AHCYL2: variants seen among roughly 807,000 people sequenced by gnomAD.
AHCYL2 encodes the protein adenosylhomocysteinase like 2, also known as S-adenosylhomocysteine hydrolase-like protein 2.
A neutral mutation model predicts 81.4 loss-of-function variants in AHCYL2; 28 were observed. The ratio of observed to expected loss-of-function variants is 0.34; its 90% CI spans 0.25 to 0.47. The LOEUF (loss-of-function observed/expected upper bound fraction) is 0.47, where lower values mean the gene tolerates loss of function less well. Ranked by LOEUF, AHCYL2 falls within the 20% of genes least tolerant of loss-of-function variation. The probability of loss-of-function intolerance (pLI) is 1.00; values close to 1 mark genes in which losing one functional copy is unlikely to be tolerated. For missense variants in AHCYL2, 551 were observed against 785.1 expected (o/e 0.70, Z 3.56); for synonymous variants, 272 against 290.2 (o/e 0.94, Z 0.64).
chr7:129,418,999 G>A (rs1430413213), intron 12 of AHCYL2, among the ~76,000 whole-genome samples: 2 of 152,176 alleles, frequency 1.3e-5, no homozygotes, highest in Non-Finnish European at 2.9e-5. Context: ...GAATGATTTG[G>A]TAAGTATCGA....
chr7:129,313,411 CAGTGTTCTGGCCGTG>C (rs1797727352), intron 1 of AHCYL2, among the ~76,000 whole-genome samples: 1 of 152,178 alleles, frequency 6.6e-6, no homozygotes, highest in African/African-American at 2.4e-5. Flanking sequence ...GTTGGAGGCT[CAGTGTTCTGGCCGTG>C]AGTGTGGTTC....
At chr7:129,265,398 A>G (rs1318492609) in intron 1 of AHCYL2, among the ~76,000 whole-genome samples, 1 of 152,218 alleles carries the variant, frequency 6.6e-6, no homozygotes. Flanking sequence ...GAGGAATTTG[A>G]TAGGTGGCAG....
intron 6 of AHCYL2, among the ~76,000 whole-genome samples, chr7:129,400,740 C>A (rs1037108038): frequency 1.3e-5 from 2 of 152,054 alleles, no homozygotes; most frequent in Non-Finnish European, 2.9e-5. Flanking sequence ...ACCAAAAAAC[C>A]CAAACAAACC....
At chr7:129,317,076 C>G (rs990291008) in intron 1 of AHCYL2, among the ~76,000 whole-genome samples, 2 of 152,198 alleles carry the variant, frequency 1.3e-5, no homozygotes, top group Non-Finnish European at 2.9e-5. Flanking sequence ...TTCGTTGATT[C>G]ACTTAGAGAC....
intron 1 of AHCYL2, among the ~76,000 whole-genome samples, chr7:129,260,179 G>T (rs368809394): frequency 2.0e-5 from 3 of 151,018 alleles, no homozygotes; most frequent in Non-Finnish European, 4.4e-5. Flanking sequence ...TTTTTACTTT[G>T]ATTTTAAGTT....
Position 129,225,381 on chromosome 7 carries a change from G to A in AHCYL2, c.305G>A (p.Gly102Asp). The A allele has an allele frequency of 6.6e-7, 1 of 1,516,748 alleles. No homozygotes were observed. Among genetic ancestry groups the A allele is most frequent in the South Asian group, 1.2e-5 (1 of 83,402 alleles). 94.0% of individuals were successfully genotyped at this position (1,516,748 alleles called of 1,614,324 possible). ...CAGCACCAGCGGCACCGCGACGGCG[G>A]CGAGGCCCTGGTCAGCCCCGACGGC... is the stretch of plus-strand genomic sequence containing the variant. ...HHQHQRHRDG[G>D]EALVSPDGTV... Residue 102 changes from glycine to aspartate, a missense_variant, in exon 1 of 17, where the codon GGC becomes GAC. Physicochemically the swap from Gly to Asp is moderately conservative, Grantham distance 94. Transcript: ENST00000325006.
intron 1 of AHCYL2, among the ~76,000 whole-genome samples, chr7:129,379,199 G>A (rs1342531669): frequency 1.3e-5 from 2 of 150,864 alleles, no homozygotes; most frequent in Non-Finnish European, 1.5e-5. Context: ...AGAATCACTT[G>A]AACCCAGAAG....
intron 1 of AHCYL2, among the ~76,000 whole-genome samples, chr7:129,322,397 C>G (rs1798069482): frequency 6.6e-6 from 1 of 151,614 alleles, no homozygotes; most frequent in African/African-American, 2.4e-5. Context: ...GCCTTGGTCT[C>G]CCAAAGTGCT....
chr7:129,241,913 A>G (rs996408850), intron 1 of AHCYL2, among the ~76,000 whole-genome samples: 1 of 151,470 alleles, frequency 6.6e-6, no homozygotes, highest in African/African-American at 2.4e-5. Context: ...TTCCTTCTCT[A>G]TTCATTCTCC....
At chr7:129,308,149 A>G (rs1212869165) in intron 1 of AHCYL2, among the ~76,000 whole-genome samples, 1 of 152,160 alleles carries the variant, frequency 6.6e-6, no homozygotes, top group East Asian at 1.9e-4. Flanking sequence ...CAAGCCCAGC[A>G]CAGCACTAGG....
intron 1 of AHCYL2, among the ~76,000 whole-genome samples, chr7:129,376,838 T>G (rs560052748): frequency 6.6e-6 from 1 of 152,208 alleles, no homozygotes; most frequent in Non-Finnish European, 1.5e-5. Context: ...GATGGGCTTC[T>G]AAAAAAGAAT....
rs893047371 is a variant in AHCYL2, at chr7:129,368,815, G to A, written c.364-10823G>A. ...TCTGGTGGGCAGGGGCTTTCCTCCG[G>A]CTGCTGGTGTGATGTATGGGTTGTG... On this transcript the variant is annotated intron_variant, in intron 1 of 16. Coordinates refer to ENST00000325006, the MANE Select transcript of AHCYL2 (RefSeq NM_015328.4). The surrounding 1 kb of genome is among the most constrained non-coding windows in gnomAD (Gnocchi z 4.4). 2.0e-5 allele frequency among the ~76,000 whole-genome samples: 3 copies of A among 152,162 alleles called. No individual in the cohort carries two copies. Among genetic ancestry groups the A allele is most frequent in the African/African-American group, 7.2e-5 (3 of 41,440 alleles).
At chr7:129,238,946 C>T (rs777003556) in intron 1 of AHCYL2, among the ~76,000 whole-genome samples, 7 of 151,780 alleles carry the variant, frequency 4.6e-5, no homozygotes, top group Admixed American at 1.3e-4. Flanking sequence ...AGCAAAACTC[C>T]GTCTCAAAAA....
At chr7:129,293,552 C>T (rs1019141055) in intron 1 of AHCYL2, among the ~76,000 whole-genome samples, 1 of 151,948 alleles carries the variant, frequency 6.6e-6, no homozygotes, top group Non-Finnish European at 1.5e-5. Flanking sequence ...GTGGCACATG[C>T]CTATAGTCCC....
At chr7:129,379,016 C>T (rs1214596603) in intron 1 of AHCYL2, among the ~76,000 whole-genome samples, 1 of 152,158 alleles carries the variant, frequency 6.6e-6, no homozygotes, top group Non-Finnish European at 1.5e-5. Flanking sequence ...CACACTGGCT[C>T]ATGCCTATAA....
chr7:129,375,305 G>T (rs897195655), intron 1 of AHCYL2, among the ~76,000 whole-genome samples: 24 of 151,040 alleles, frequency 1.6e-4, no homozygotes, highest in Non-Finnish European at 3.2e-4. Context: ...GTAGGGTAGG[G>T]CCTGCCTGAG....
intron 1 of AHCYL2, among the ~76,000 whole-genome samples, chr7:129,245,025 CTT>C (rs11457350): frequency 1.1e-3 from 123 of 115,742 alleles, no homozygotes; most frequent in Admixed American, 1.3e-3. Flanking sequence ...GTAGAATATT[CTT>C]TTTTTTTTTT....
At chr7:129,239,581 G>C (rs1479592672) in intron 1 of AHCYL2, among the ~76,000 whole-genome samples, 1 of 151,994 alleles carries the variant, frequency 6.6e-6, no homozygotes, top group Non-Finnish European at 1.5e-5. Flanking sequence ...TGAGTAGCTT[G>C]GGATTACAGG....
At chr7:129,422,746 C>G in intron 12 of AHCYL2, 94 bp from the exon 13 acceptor site, 1 of 1,108,960 alleles carries the variant, frequency 9.0e-7, no homozygotes, top group Non-Finnish European at 1.3e-6. Context: ...TTGCTCCTTT[C>G]AACCTGCTAT....
Sources: gnomAD v4.1 joint callset for allele counts (sites outside exome capture counted in the v4.1 genomes callset) on GRCh38, gnomAD v4.1.1 for gene constraint, Gnocchi (gnomAD v3.1) non-coding constraint, MANE v1.5 for transcripts, NCBI Gene and HGNC (gene_info 2026-07-23, HGNC 2026-07-21) for gene names.